Variants in ADK observed in about 807,000 individuals in gnomAD.
ADK encodes N6,N6-dimethyladenosine kinase.
Under a neutral mutation model 44.7 loss-of-function variants are expected in ADK, and 24 were observed. The observed-to-expected ratio is 0.54, with a 90% CI of 0.39 to 0.76. The LOEUF is 0.76. ADK is among the 30% of genes least tolerant of loss of function. ADK has a pLI of 0.00. For missense variants in ADK, 321 were observed against 425.1 expected (o/e 0.76, Z 2.15); for synonymous variants, 128 against 142.6 (o/e 0.90, Z 0.73).
At chr10:74,526,626 G>A (rs1849053245) in intron 7 of ADK, among the ~76,000 whole-genome samples, 1 of 152,152 alleles carries the variant, frequency 6.6e-6, no homozygotes, top group Admixed American at 6.5e-5. Flanking sequence ...GAGATCACCT[G>A]GGTAAAGATT....
chr10:74,271,168 C>T (rs1391742825), intron 3 of ADK, among the ~76,000 whole-genome samples: 3 of 151,976 alleles, frequency 2.0e-5, no homozygotes, highest in Non-Finnish European at 4.4e-5. Context: ...CATATATTCA[C>T]CTTAGTATCA....
chr10:74,510,282 G>C (rs748966288), intron 6 of ADK, among the ~76,000 whole-genome samples: 8 of 151,836 alleles, frequency 5.3e-5, no homozygotes, highest in Non-Finnish European at 1.2e-4. Context: ...ATACCTCATT[G>C]TGGTTTTGAT....
At chr10:74,544,846 G>A (rs900171697) in intron 7 of ADK, among the ~76,000 whole-genome samples, 2 of 151,962 alleles carry the variant, frequency 1.3e-5, no homozygotes, top group African/African-American at 4.8e-5. Flanking sequence ...TGGGGACAGA[G>A]TGAGATTCTG....
At chr10:74,525,209 C>G (rs370262822) in intron 6 of ADK, 47 bp from the exon 7 acceptor site, 4 of 1,549,186 alleles carry the variant, frequency 2.6e-6, no homozygotes, top group African/African-American at 1.4e-5. Flanking sequence ...CTGAGAGTGA[C>G]TGTGGAGATG....
At chr10:74,188,343 A>AT (rs765922880) in intron 1 of ADK, among the ~76,000 whole-genome samples, 30,079 of 81,834 alleles carry the variant, frequency 0.37, 5,343 homozygotes, top group Middle Eastern at 0.46. Context: ...TGTATTTTTA[A>AT]TTTTTTTTTT....
chr10:74,227,363 A>G (rs527255886), intron 3 of ADK, among the ~76,000 whole-genome samples: 8 of 152,334 alleles, frequency 5.3e-5, no homozygotes, highest in African/African-American at 1.9e-4. Context: ...CCCTAATTCT[A>G]TAAGAGTACC....
At chr10:74,390,995 T>TA (rs1394987429) in intron 4 of ADK, among the ~76,000 whole-genome samples, 1 of 152,194 alleles carries the variant, frequency 6.6e-6, no homozygotes, top group Non-Finnish European at 1.5e-5. Context: ...GTGTTTTCCT[T>TA]ATCCTGTTCA....
rs1376379013 is a variant in ADK at position 74,314,889 on chromosome 10, T to C, written c.273+144T>C. 1.3e-5 allele frequency: 8 copies of C among 638,280 alleles called. No individual in the cohort carries two copies. The South Asian group carries it at 1.3e-4, about 11-fold the overall frequency. The allele number at this position is 638,280 out of a possible 1,614,324, so 39.5% of individuals were successfully genotyped here. A position where few individuals can be genotyped will look rare whatever the true frequency, so the allele number is the denominator to read the frequency against. On this transcript the variant is annotated intron_variant, in intron 4 of 10. Transcript: ENST00000539909. ...GGGATTTTAGTAGTCATTGCACATC[T>C]AATCAAAAGTTATTTTAATTGGTAT... is the stretch of plus-strand genomic sequence containing the variant.
chr10:74,291,943 A>G (rs1404604436), intron 3 of ADK, among the ~76,000 whole-genome samples: 1 of 152,206 alleles, frequency 6.6e-6, no homozygotes, highest in Non-Finnish European at 1.5e-5. Flanking sequence ...AGGAAATTTT[A>G]AAGTCCTAGA....
At chr10:74,245,739 C>T (rs1287826325) in intron 3 of ADK, among the ~76,000 whole-genome samples, 1 of 151,904 alleles carries the variant, frequency 6.6e-6, no homozygotes, top group Non-Finnish European at 1.5e-5. Flanking sequence ...TACAGGCATG[C>T]ACCATCACGC....
At chr10:74,694,403 AAAAG>A (rs1276401894) in intron 10 of ADK, among the ~76,000 whole-genome samples, 1 of 151,952 alleles carries the variant, frequency 6.6e-6, no homozygotes, top group Non-Finnish European at 1.5e-5. Context: ...AAAAAAAAGA[AAAAG>A]AAACTTATTT....
intron 4 of ADK, among the ~76,000 whole-genome samples, chr10:74,319,359 C>T (rs565638970): frequency 7.9e-5 from 12 of 152,136 alleles, no homozygotes; most frequent in East Asian, 1.9e-4. Context: ...TCAGAGGCCT[C>T]GCTTCTTAGC....
At chr10:74,194,194 G>T (rs966765199) in intron 1 of ADK, among the ~76,000 whole-genome samples, 2 of 152,090 alleles carry the variant, frequency 1.3e-5, no homozygotes, top group African/African-American at 4.8e-5. Context: ...AAAGATGAAT[G>T]GGAGTTTGCC....
chr10:74,582,087 A>G (rs1217134276), intron 7 of ADK, among the ~76,000 whole-genome samples: 1 of 152,194 alleles, frequency 6.6e-6, no homozygotes, highest in Non-Finnish European at 1.5e-5. Flanking sequence ...TGTCTTCTTT[A>G]TACCAACCAC....
chr10:74,188,487 T>G (rs1472539926), intron 1 of ADK, among the ~76,000 whole-genome samples: 1 of 151,174 alleles, frequency 6.6e-6, no homozygotes, highest in Non-Finnish European at 1.5e-5. Context: ...TAGCAGGGAC[T>G]ACCGGCACCC....
In ADK at chr10:74,593,692, A is replaced by G. The variant is rs1851798529; in HGVS notation, c.762+4375A>G. 1.3e-5 allele frequency among the ~76,000 whole-genome samples: 2 copies of G among 152,266 alleles called. 1 individual carries two copies. On this transcript the variant is annotated intron_variant, in intron 8 of 10. Coordinates refer to ENST00000539909, the MANE Select transcript of ADK (RefSeq NM_006721.4). ...AACTATTAAAGGAGTTTCTATTTGG[A>G]AAACAAAACAAAATGGTATGGCTAG...
intron 3 of ADK, among the ~76,000 whole-genome samples, chr10:74,251,024 G>A (rs540354102): frequency 6.6e-6 from 1 of 152,292 alleles, no homozygotes; most frequent in African/African-American, 2.4e-5. Flanking sequence ...TTACAAGCAT[G>A]AGCCACCATG....
chr10:74,571,532 G>A (rs567974539), intron 7 of ADK, among the ~76,000 whole-genome samples: 28 of 152,256 alleles, frequency 1.8e-4, no homozygotes, highest in African/African-American at 6.0e-4. Flanking sequence ...TGTATGTGTC[G>A]AGGGATTTAT....
intron 6 of ADK, among the ~76,000 whole-genome samples, chr10:74,485,439 G>A (rs185527517): frequency 3.2e-4 from 48 of 150,826 alleles, no homozygotes; most frequent in Middle Eastern, 3.4e-3. Flanking sequence ...TCCAGCCTGG[G>A]TGACAGAGTG....
Sources: gnomAD v4.1 joint callset for allele counts (sites outside exome capture counted in the v4.1 genomes callset) on GRCh38, gnomAD v4.1.1 for gene constraint, MANE v1.5 for transcripts, NCBI Gene and HGNC (gene_info 2026-07-23, HGNC 2026-07-21) for gene names.